The following CREB5 variants were observed in gnomAD, a reference collection of about 807,000 sequenced individuals.
CREB5 encodes cAMP responsive element binding protein 5, also known as cyclic AMP-responsive element-binding protein 5.
In CREB5, 19 loss-of-function variants were observed where a neutral mutation model predicts 57.1. The observed-to-expected ratio is 0.33, with a 90% CI of 0.23 to 0.49. The LOEUF (loss-of-function observed/expected upper bound fraction) is 0.49, where lower values mean the gene tolerates loss of function less well. Ranked by LOEUF, CREB5 falls within the 20% of genes least tolerant of loss-of-function variation. The probability of loss-of-function intolerance (pLI) is 0.99; values close to 1 mark genes in which losing one functional copy is unlikely to be tolerated. For missense variants in CREB5, 579 were observed against 671.6 expected (o/e 0.86, Z 1.52); for synonymous variants, 238 against 238.3 (o/e 1.00, Z 0.01).
chr7:28,685,148 C>A (rs1372272150), intron 5 of CREB5, among the ~76,000 whole-genome samples: 1 of 152,158 alleles, frequency 6.6e-6, no homozygotes, highest in South Asian at 2.1e-4. Flanking sequence ...CCCCCTCCAG[C>A]GAGTTGAGTT....
At chr7:28,599,994 A>T (rs1035736320) in intron 5 of CREB5, among the ~76,000 whole-genome samples, 27 of 152,212 alleles carry the variant, frequency 1.8e-4, no homozygotes, top group African/African-American at 6.0e-4. Context: ...AATCATGGTG[A>T]CGTTGAGAGG....
At chr7:28,547,776 A>G (rs1271146734) in intron 4 of CREB5, among the ~76,000 whole-genome samples, 3 of 152,204 alleles carry the variant, frequency 2.0e-5, no homozygotes, top group East Asian at 1.9e-4. Context: ...TCGCATTGTC[A>G]TCTTTCGGTA....
chr7:28,728,340 A>G (rs922324515), intron 7 of CREB5, among the ~76,000 whole-genome samples: 2 of 152,256 alleles, frequency 1.3e-5, no homozygotes, highest in African/African-American at 4.8e-5. Flanking sequence ...TTCAGACTCC[A>G]GTAACAAAGC....
intron 5 of CREB5, among the ~76,000 whole-genome samples, chr7:28,609,325 C>A (rs556199729): frequency 6.6e-6 from 1 of 152,258 alleles, no homozygotes; most frequent in Admixed American, 6.5e-5. Context: ...TGCCTAAGTT[C>A]TTTGTCTTGT....
chr7:28,558,760 G>A (rs1250240671), intron 4 of CREB5, among the ~76,000 whole-genome samples: 1 of 152,174 alleles, frequency 6.6e-6, no homozygotes, highest in Admixed American at 6.5e-5. Flanking sequence ...TCCAGAGAGT[G>A]CTACATTTAT....
At chr7:28,385,955 A>G (rs1787089360) in intron 1 of CREB5, among the ~76,000 whole-genome samples, 1 of 152,092 alleles carries the variant, frequency 6.6e-6, no homozygotes, top group Non-Finnish European at 1.5e-5. Context: ...GCTCCATCTT[A>G]TCTGATTTAT....
intron 7 of CREB5, among the ~76,000 whole-genome samples, chr7:28,748,694 G>A (rs988642228): frequency 7.1e-6 from 1 of 140,340 alleles, no homozygotes; most frequent in Non-Finnish European, 1.6e-5. Flanking sequence ...CCTCTACTCA[G>A]ATAGATTTGA....
intron 1 of CREB5, among the ~76,000 whole-genome samples, chr7:28,417,039 C>A (rs568277678): frequency 1.3e-5 from 2 of 152,312 alleles, no homozygotes; most frequent in South Asian, 4.1e-4. Context: ...CAACAATGAG[C>A]AGCCTGAGAC....
chr7:28,720,827 A>T (rs1002043132), intron 6 of CREB5, among the ~76,000 whole-genome samples: 3 of 152,180 alleles, frequency 2.0e-5, no homozygotes, highest in Non-Finnish European at 4.4e-5. Context: ...CCATCCAAAA[A>T]TTATTATTTT....
At chr7:28,399,257 G>A (rs1274429309) in intron 1 of CREB5, among the ~76,000 whole-genome samples, 1 of 142,106 alleles carries the variant, frequency 7.0e-6, no homozygotes, top group Admixed American at 7.0e-5. Context: ...CATAGACAAA[G>A]CTAAAAGTAA....
At chr7:28,311,034 C>T (rs1482405882) in intron 1 of CREB5, among the ~76,000 whole-genome samples, 1 of 149,388 alleles carries the variant, frequency 6.7e-6, no homozygotes, top group East Asian at 2.0e-4. Flanking sequence ...TGGCTCACGC[C>T]TGTAATCCCA....
At chr7:28,560,929 C>CGTGTGT (rs1425241012) in intron 4 of CREB5, among the ~76,000 whole-genome samples, 4 of 30,452 alleles carry the variant, frequency 1.3e-4, no homozygotes, top group South Asian at 1.5e-3. Context: ...TGTGCGCGTG[C>CGTGTGT]GTGTGTGCGT....
intron 5 of CREB5, among the ~76,000 whole-genome samples, chr7:28,644,888 G>A (rs1348557773): frequency 6.6e-6 from 1 of 152,158 alleles, no homozygotes; most frequent in East Asian, 1.9e-4. Flanking sequence ...GAATGAGGAT[G>A]AGTTTTATTT....
At chr7:28,326,298 C>T (rs1395849061) in intron 1 of CREB5, among the ~76,000 whole-genome samples, 1 of 152,076 alleles carries the variant, frequency 6.6e-6, no homozygotes, top group Non-Finnish European at 1.5e-5. Flanking sequence ...ACCTCCTTTC[C>T]ATGTTTATAG....
intron 5 of CREB5, among the ~76,000 whole-genome samples, chr7:28,590,703 AT>A (rs1180611788): frequency 1.3e-5 from 2 of 148,162 alleles, no homozygotes; most frequent in Non-Finnish European, 3.0e-5. Flanking sequence ...AATAATAATA[AT>A]AATAAAAACC....
intron 5 of CREB5, among the ~76,000 whole-genome samples, chr7:28,633,653 A>G (rs1798292188): frequency 6.6e-6 from 1 of 152,170 alleles, no homozygotes; most frequent in Admixed American, 6.5e-5. Flanking sequence ...TTGGCTGGTT[A>G]CTTTGTGTCT....
At chr7:28,621,619 G>A (rs918201116) in intron 5 of CREB5, among the ~76,000 whole-genome samples, 1 of 152,104 alleles carries the variant, frequency 6.6e-6, no homozygotes, top group African/African-American at 2.4e-5. Context: ...TTAGTAGATA[G>A]AATTCAACCC....
At chr7:28,688,104 G>T (rs925180176) in intron 5 of CREB5, among the ~76,000 whole-genome samples, 56 of 152,194 alleles carry the variant, frequency 3.7e-4, no homozygotes, top group African/African-American at 1.3e-3. Context: ...TGAAATGAAT[G>T]GGGGAGGATG....
At chr7:28,305,400 A>G (rs1486139090) in intron 1 of CREB5, among the ~76,000 whole-genome samples, 1 of 152,104 alleles carries the variant, frequency 6.6e-6, no homozygotes, top group Admixed American at 6.5e-5. Context: ...CTGGAGGCCA[A>G]CCCACTGTTT....
Sources: allele counts gnomAD v4.1 joint callset (sites outside exome capture counted in the v4.1 genomes callset), GRCh38; gene constraint gnomAD v4.1.1; transcripts MANE v1.5; gene names NCBI Gene and HGNC (gene_info 2026-07-23, HGNC 2026-07-21).